Variants in DCP1A observed in about 807,000 individuals in gnomAD.
DCP1A encodes the protein mRNA-decapping enzyme 1A.
In DCP1A, 20 loss-of-function variants were observed where a neutral mutation model predicts 58.0. The observed-to-expected ratio is 0.34, with a 90% CI of 0.24 to 0.50. DCP1A has a LOEUF of 0.50. Ranked by LOEUF, DCP1A falls within the 20% of genes least tolerant of loss-of-function variation. The pLI is 0.98. For synonymous variants in DCP1A, 285 were observed against 275.1 expected (o/e 1.04, Z -0.36); for missense variants, 613 against 712.2 (o/e 0.86, Z 1.59).
At chr3:53,337,220 T>C (rs2089133083) in intron 3 of DCP1A, among the ~76,000 whole-genome samples, 1 of 152,166 alleles carries the variant, frequency 6.6e-6, no homozygotes, top group Admixed American at 6.5e-5. Flanking sequence ...TACCTCAGGC[T>C]TTCTAGTAAT....
At chr3:53,327,458 T>C (rs1240458305) in intron 3 of DCP1A, among the ~76,000 whole-genome samples, 1 of 152,240 alleles carries the variant, frequency 6.6e-6, no homozygotes, top group Non-Finnish European at 1.5e-5. Context: ...TTTTAAATGT[T>C]GGTAGCAAAT....
chr3:53,329,182 C>T, intron 3 of DCP1A: 1 of 394,134 alleles, frequency 2.5e-6, no homozygotes. Context: ...CAGCCACCTA[C>T]CATCTCTACT....
chr3:53,323,418 T>G (rs944872558), intron 3 of DCP1A, among the ~76,000 whole-genome samples: 1 of 152,202 alleles, frequency 6.6e-6, no homozygotes, highest in African/African-American at 2.4e-5. Context: ...ACTCCATATA[T>G]GGCAATTACA....
rs1553686274 is a variant in DCP1A at position 53,292,567 on chromosome 3, A to G, written c.885T>C (p.Thr295=). 6.2e-7 allele frequency: 1 copy of G among 1,613,854 alleles called. No individual in the cohort carries two copies. Among genetic ancestry groups the G allele is most frequent in the South Asian group, 1.1e-5 (1 of 91,076 alleles). The change falls in exon 7 of 10, where the codon ACT becomes ACC. Residue 295 remains threonine, a synonymous_variant. Transcript: ENST00000610213. ...QPEITTPVLI[T]PASITQSNEK... is the part of the protein sequence containing the mutation. The stretch of plus-strand genomic sequence containing the variant: ...CATTGGACTGTGTGATGGAGGCTGG[A>G]GTGATTAGCACCGGGGTGGTGATTT...
intron 3 of DCP1A, among the ~76,000 whole-genome samples, chr3:53,325,399 G>A (rs1189763646): frequency 1.3e-5 from 2 of 152,126 alleles, no homozygotes; most frequent in African/African-American, 4.8e-5. Context: ...TCAGTATGGT[G>A]CCAAGCAAAA....
chr3:53,345,473 T>C (rs1408305891), intron 1 of DCP1A, among the ~76,000 whole-genome samples: 1 of 152,162 alleles, frequency 6.6e-6, no homozygotes, highest in Non-Finnish European at 1.5e-5. Context: ...TTTTAGAACT[T>C]GAAGAATCTT....
intron 3 of DCP1A, among the ~76,000 whole-genome samples, chr3:53,330,146 T>G (rs938114297): frequency 6.6e-6 from 1 of 152,196 alleles, no homozygotes; most frequent in East Asian, 1.9e-4. Flanking sequence ...ATCACAGACC[T>G]TAAATCATTA....
intron 5 of DCP1A, among the ~76,000 whole-genome samples, chr3:53,305,956 T>C (rs1707456946): frequency 6.6e-6 from 1 of 152,206 alleles, no homozygotes; most frequent in Non-Finnish European, 1.5e-5. Flanking sequence ...GGGTTATGAA[T>C]TCTTGAATAT....
At chr3:53,296,038 G>A (rs1279060256) in intron 6 of DCP1A, among the ~76,000 whole-genome samples, 2 of 151,988 alleles carry the variant, frequency 1.3e-5, no homozygotes, top group African/African-American at 2.4e-5. Context: ...GATTATAGGC[G>A]TGCGTCACCA....
chr3:53,291,108 TG>T (rs1575592225), intron 7 of DCP1A, among the ~76,000 whole-genome samples: 1 of 147,222 alleles, frequency 6.8e-6, no homozygotes, highest in African/African-American at 2.5e-5. Flanking sequence ...AAGGGGTGTG[TG>T]CAGAGCCTTT....
intron 4 of DCP1A, among the ~76,000 whole-genome samples, chr3:53,314,560 T>C (rs1219303398): frequency 2.0e-5 from 3 of 152,136 alleles, no homozygotes; most frequent in Non-Finnish European, 4.4e-5. Context: ...CCTCCTGACA[T>C]GTTGCCTGAC....
chr3:53,329,972 G>C (rs1182680955), intron 3 of DCP1A, among the ~76,000 whole-genome samples: 2 of 152,146 alleles, frequency 1.3e-5, no homozygotes, highest in Non-Finnish European at 2.9e-5. Context: ...GGTTAGGTCT[G>C]AGAAGAGAAA....
chr3:53,345,719 T>C (rs1454293647), intron 1 of DCP1A, among the ~76,000 whole-genome samples: 1 of 152,176 alleles, frequency 6.6e-6, no homozygotes, highest in Non-Finnish European at 1.5e-5. Context: ...GATTAAAAAA[T>C]TTAGAAAATT....
chr3:53,319,267 G>A (rs1707894644), intron 4 of DCP1A, 140 bp downstream of exon 4: 1 of 537,010 alleles, frequency 1.9e-6, no homozygotes, highest in African/African-American at 1.9e-5. Flanking sequence ...AAGCTTTTCA[G>A]CCTTTTCCAA....
intron 4 of DCP1A, among the ~76,000 whole-genome samples, chr3:53,315,765 T>G (rs1707790682): frequency 7.3e-6 from 1 of 137,792 alleles, no homozygotes; most frequent in Non-Finnish European, 1.6e-5. Flanking sequence ...TTGTTTTTTT[T>G]TTTTTTGAGA....
intron 6 of DCP1A, among the ~76,000 whole-genome samples, chr3:53,303,157 C>A (rs1375508013): frequency 3.3e-5 from 5 of 151,380 alleles, no homozygotes; most frequent in African/African-American, 1.2e-4. Context: ...CACTATGCTG[C>A]CCAGGCTGGT....
At position 53,285,615 on chromosome 3, in the gene DCP1A, T is replaced by G. The variant is rs1294173969; in HGVS notation, c.*1965A>C. 2.6e-5 allele frequency: 4 copies of G among 152,182 alleles called. No individual in the cohort carries two copies. The highest frequency in any genetic ancestry group is 9.7e-5 in the African/African-American group (4 of 41,434). 9.4% of individuals were successfully genotyped at this position (152,182 alleles called of 1,614,324 possible). ...CTAGCATTAAAGGTGAAAATTAGTATGATCACAGACTCTCTTTAGGATATT... is the reference window on the plus strand; with the variant it reads ...CTAGCATTAAAGGTGAAAATTAGTAGGATCACAGACTCTCTTTAGGATATT... On this transcript the variant is annotated 3_prime_UTR_variant, in exon 10 of 10. Transcript: ENST00000610213.
chr3:53,320,126 TAA>T (rs879969801), intron 3 of DCP1A, among the ~76,000 whole-genome samples: 26 of 138,912 alleles, frequency 1.9e-4, no homozygotes, highest in Non-Finnish European at 2.5e-4. Flanking sequence ...AGACTCCATC[TAA>T]AAAAAAAAAA....
Position 53,311,258 on chromosome 3 carries a change from A to T in DCP1A, c.510+983T>A, listed in dbSNP as rs538296643. Among the ~76,000 whole-genome samples, 3 of 152,346 alleles carry T rather than the reference A, an allele frequency of 2.0e-5. No individual in the cohort carries two copies. The South Asian group carries it at 6.2e-4, about 32-fold the overall frequency. ...CCTTGAAGTTCTGGTGAGGTGAAAT[A>T]GGCATGAAAGGAAAGCACTTAATTC... is the stretch of plus-strand genomic sequence containing the variant. On this transcript the variant is annotated intron_variant, in intron 5 of 9. Transcript: ENST00000610213.
Sources: allele counts gnomAD v4.1 joint callset (sites outside exome capture counted in the v4.1 genomes callset), GRCh38; gene constraint gnomAD v4.1.1; transcripts MANE v1.5; gene names NCBI Gene and HGNC (gene_info 2026-07-23, HGNC 2026-07-21).